The following LPP variants were observed in gnomAD, a reference collection of about 807,000 sequenced individuals.
LPP encodes the protein lipoma-preferred partner.
Under a neutral mutation model 60.4 loss-of-function variants are expected in LPP, and 38 were observed. That is an observed-to-expected ratio of 0.63 (90% CI 0.49 to 0.83). The LOEUF (loss-of-function observed/expected upper bound fraction) is 0.83. Among genes scored for constraint, LPP ranks in the 40% least tolerant of loss-of-function variants. LPP has a pLI of 0.00. For synonymous variants in LPP, 328 were observed against 290.8 expected, an observed-to-expected ratio of 1.13 and a Z score of -1.30; for missense variants, 902 against 783.6, an observed-to-expected ratio of 1.15 and a Z score of -1.80.
chr3:188,165,568 G>C (rs889619288), intron 1 of LPP, among the ~76,000 whole-genome samples: 5 of 152,196 alleles, frequency 3.3e-5, no homozygotes, highest in African/African-American at 9.7e-5. Context: ...GTACTGAGAA[G>C]TTGAGACTGC....
intron 2 of LPP, among the ~76,000 whole-genome samples, chr3:188,302,760 C>T (rs1264546535): frequency 6.6e-6 from 1 of 152,174 alleles, no homozygotes; most frequent in Non-Finnish European, 1.5e-5. Context: ...TTTGCCAGGC[C>T]AGCTGTTATC....
chr3:188,485,733 C>A (rs1252765852), intron 5 of LPP, among the ~76,000 whole-genome samples: 1 of 134,236 alleles, frequency 7.4e-6, no homozygotes, highest in Non-Finnish European at 1.5e-5. Context: ...GGAGGCAGAG[C>A]TTGCAGTGAG....
intron 9 of LPP, among the ~76,000 whole-genome samples, chr3:188,836,504 G>A (rs1310303620): frequency 6.6e-6 from 1 of 152,172 alleles, no homozygotes; most frequent in Non-Finnish European, 1.5e-5. Flanking sequence ...AGTGGCATCC[G>A]TGGTCAGATT....
At chr3:188,309,334 C>T (rs935067888) in intron 2 of LPP, among the ~76,000 whole-genome samples, 1 of 152,078 alleles carries the variant, frequency 6.6e-6, no homozygotes, top group Non-Finnish European at 1.5e-5. Context: ...GCCTGCGTTT[C>T]TTCTAATATA....
At chr3:188,713,161 A>G (rs906123193) in intron 8 of LPP, among the ~76,000 whole-genome samples, 3 of 152,212 alleles carry the variant, frequency 2.0e-5, no homozygotes, top group Admixed American at 1.3e-4. Context: ...GCATGTGCCA[A>G]CTGAATGTAG....
chr3:188,372,904 G>A (rs534340767), intron 3 of LPP, among the ~76,000 whole-genome samples: 2 of 151,592 alleles, frequency 1.3e-5, no homozygotes, highest in Non-Finnish European at 1.5e-5. Context: ...TCCCCTTCCT[G>A]TGTCCATGTG....
intron 8 of LPP, among the ~76,000 whole-genome samples, chr3:188,718,162 TTAGAG>T (rs1473680325): frequency 6.6e-6 from 1 of 152,214 alleles, no homozygotes; most frequent in African/African-American, 2.4e-5. Context: ...AATCCCAGAC[TTAGAG>T]TAAAGAAGAA....
intron 4 of LPP, among the ~76,000 whole-genome samples, chr3:188,466,834 T>TATAGATAG (rs751884604): frequency 1.6e-5 from 2 of 126,154 alleles, no homozygotes; most frequent in Non-Finnish European, 3.3e-5. Context: ...TATATATATA[T>TATAGATAG]ATATATATGC....
At chr3:188,861,278 C>G (rs1765136900) in intron 9 of LPP, among the ~76,000 whole-genome samples, 1 of 152,094 alleles carries the variant, frequency 6.6e-6, no homozygotes. Flanking sequence ...TTGTTCTTAT[C>G]TCAACAAGAC....
intron 1 of LPP, among the ~76,000 whole-genome samples, chr3:188,213,351 C>G (rs1712062553): frequency 6.6e-6 from 1 of 152,198 alleles, no homozygotes; most frequent in Non-Finnish European, 1.5e-5. Context: ...GCACATCTGT[C>G]TAATTTCACA....
intron 7 of LPP, among the ~76,000 whole-genome samples, chr3:188,682,685 C>T (rs1012138547): frequency 1.3e-5 from 2 of 152,120 alleles, no homozygotes; most frequent in African/African-American, 2.4e-5. Flanking sequence ...GAGTAAACAC[C>T]CATGCAAATT....
intron 9 of LPP, among the ~76,000 whole-genome samples, chr3:188,820,789 T>C (rs1400486297): frequency 6.6e-6 from 1 of 152,178 alleles, no homozygotes; most frequent in East Asian, 1.9e-4. Flanking sequence ...AAGTCCAGAC[T>C]ACTTCACTGA....
chr3:188,633,065 G>T lies in LPP; in HGVS notation c.1113+23221G>T, dbSNP rs554834588. Among the ~76,000 whole-genome samples the T allele has an allele frequency of 4.6e-5, 7 of 152,338 alleles. No individual in the cohort carries two copies. The South Asian group carries it at 1.4e-3, about 32-fold the overall frequency. On this transcript the variant is annotated intron_variant, in intron 7 of 11. Coordinates refer to ENST00000617246, the MANE Select transcript of LPP (RefSeq NM_001375462.1). Reference sequence around the variant, plus strand: ...CCAGTGTGACCTAGTGACAGAACCAGTAGGGATATCTGAGTGTTCAGTCTT... The same window carrying T: ...CCAGTGTGACCTAGTGACAGAACCATTAGGGATATCTGAGTGTTCAGTCTT...
At chr3:188,726,087 T>C (rs1718289158) in intron 8 of LPP, among the ~76,000 whole-genome samples, 2 of 152,140 alleles carry the variant, frequency 1.3e-5, no homozygotes, top group African/African-American at 4.8e-5. Flanking sequence ...GGAAACTCCA[T>C]GAAGGGTTTC....
intron 9 of LPP, among the ~76,000 whole-genome samples, chr3:188,794,023 A>C (rs538167530): frequency 6.6e-6 from 1 of 152,260 alleles, no homozygotes; most frequent in South Asian, 2.1e-4. Context: ...TTCTTCAGGC[A>C]ATGAATTCAG....
intron 6 of LPP, among the ~76,000 whole-genome samples, chr3:188,526,245 G>C (rs1439739070): frequency 6.6e-6 from 1 of 152,034 alleles, no homozygotes; most frequent in Non-Finnish European, 1.5e-5. Flanking sequence ...TCTGCTGTCA[G>C]TTATTTCAAT....
chr3:188,691,026 T>C (rs1208132393), intron 7 of LPP, among the ~76,000 whole-genome samples: 2 of 152,236 alleles, frequency 1.3e-5, no homozygotes, highest in Non-Finnish European at 2.9e-5. Flanking sequence ...CAGTATTAGC[T>C]ACTCCTGCCT....
At chr3:188,582,778 G>T (rs1836549976) in intron 6 of LPP, among the ~76,000 whole-genome samples, 1 of 152,104 alleles carries the variant, frequency 6.6e-6, no homozygotes, top group African/African-American at 2.4e-5. Flanking sequence ...TTCGGTATGT[G>T]GCATCACCAT....
intron 7 of LPP, among the ~76,000 whole-genome samples, chr3:188,677,063 C>G (rs911632976): frequency 4.6e-5 from 7 of 152,164 alleles, no homozygotes; most frequent in African/African-American, 1.7e-4. Flanking sequence ...CTGTTGACGA[C>G]AATCATGCAA....
Sources: allele counts gnomAD v4.1 joint callset (sites outside exome capture counted in the v4.1 genomes callset), GRCh38; gene constraint gnomAD v4.1.1; transcripts MANE v1.5; gene names NCBI Gene and HGNC (gene_info 2026-07-23, HGNC 2026-07-21).